IKBKE: variants seen among roughly 807,000 people sequenced by gnomAD.
IKBKE encodes the protein inhibitor of nuclear factor kappa-B kinase subunit epsilon.
IKBKE carries 45 observed loss-of-function variants against 92.1 expected under a neutral mutation model. The observed-to-expected ratio is 0.49, with a 90% CI of 0.38 to 0.63. IKBKE has a LOEUF of 0.63. Among genes scored for constraint, IKBKE ranks in the 20% least tolerant of loss-of-function variants. The pLI, the probability that IKBKE is intolerant of heterozygous loss-of-function variation, is 0.00. For synonymous variants in IKBKE, 374 were observed against 380.3 expected, an observed-to-expected ratio of 0.98 and a Z score of 0.19; for missense variants, 700 against 932.8, an observed-to-expected ratio of 0.75 and a Z score of 3.25.
Position 206,496,236 on chromosome 1 carries a change from A to T in IKBKE, c.*91A>T. 9.8e-7 allele frequency: 1 copy of T among 1,024,844 alleles called. No individual in the cohort carries two copies. Among genetic ancestry groups the T allele is most frequent in the Non-Finnish European group, 1.5e-6 (1 of 645,684 alleles). The allele number at this position is 1,024,844 out of a possible 1,614,324, so 63.5% of individuals were successfully genotyped here. A position where few individuals can be genotyped will look rare whatever the true frequency, so the allele number is the denominator to read the frequency against. ...TGAGACCAACCCAGGGCAAGATCCC[A>T]TCCCATCACATCAGCCTACCTCCCT... On this transcript the variant is annotated 3_prime_UTR_variant, in exon 22 of 22. Coordinates refer to ENST00000581977, the MANE Select transcript of IKBKE (RefSeq NM_014002.4).
Position 206,485,870 on chromosome 1 carries a change from AC to A in IKBKE, c.1616+570del, listed in dbSNP as rs1665625120. On this transcript the variant is annotated intron_variant, in intron 15 of 21. Coordinates refer to ENST00000581977, the MANE Select transcript of IKBKE (RefSeq NM_014002.4). This position sits in a 1 kb window ranked among gnomAD's most constrained non-coding sequence, Gnocchi z 5.0. ...TCTCCCTTTTAACAGACATAAAAAT[AC>A]CCCCCTCCCCCAGGCCCCAGCTGAC... is the stretch of plus-strand genomic sequence containing the variant. 1.3e-5 allele frequency among the ~76,000 whole-genome samples: 2 copies of A among 151,386 alleles called. No homozygotes were observed. Among genetic ancestry groups the A allele is most frequent in the Non-Finnish European group, 2.9e-5 (2 of 67,826 alleles).
At chr1:206,471,766 G>A (rs1411703400) in intron 2 of IKBKE, among the ~76,000 whole-genome samples, 2 of 152,182 alleles carry the variant, frequency 1.3e-5, no homozygotes, top group Non-Finnish European at 1.5e-5. Flanking sequence ...GTTGACCACC[G>A]ATCTCTTCAA....
At chr1:206,491,135 T>C (rs1449969919) in intron 17 of IKBKE, 1 of 534,968 alleles carries the variant, frequency 1.9e-6, no homozygotes, top group Non-Finnish European at 3.4e-6. Context: ...TCCTCACTGA[T>C]GCACCACTTA....
intron 18 of IKBKE, 99 bp from the exon 19 acceptor site, chr1:206,492,924 C>T (rs959000029): frequency 1.1e-5 from 11 of 1,033,064 alleles, no homozygotes; most frequent in Non-Finnish European, 1.5e-5. Context: ...ATACCCGGGA[C>T]CCACCTGTGT....
At chr1:206,480,411 A>C (rs1343557449) in intron 12 of IKBKE, 36 bp from the exon 13 acceptor site, 3 of 1,554,632 alleles carry the variant, frequency 1.9e-6, no homozygotes, top group Non-Finnish European at 2.7e-6. Flanking sequence ...GAGTCCCCCG[A>C]TCAAGGCAGC....
At chr1:206,475,082 C>T (rs891189401) in intron 5 of IKBKE, 88 bp downstream of exon 5, 37 of 1,325,836 alleles carry the variant, frequency 2.8e-5, no homozygotes, top group Non-Finnish European at 3.6e-5. Context: ...CTGACTCCTG[C>T]TAATCATTCC....
At chr1:206,493,473 A>G in intron 20 of IKBKE, 95 bp downstream of exon 20, 1 of 915,240 alleles carries the variant, frequency 1.1e-6, no homozygotes, top group Non-Finnish European at 1.7e-6. Flanking sequence ...GTTTGGCGTC[A>G]TGCCAGGCCT....
chr1:206,471,973 T>G (rs1374970919), intron 2 of IKBKE, among the ~76,000 whole-genome samples: 1 of 152,348 alleles, frequency 6.6e-6, no homozygotes, highest in African/African-American at 2.4e-5. Context: ...TGGCCAGGCA[T>G]GGTGGCTCAC....
intron 15 of IKBKE, among the ~76,000 whole-genome samples, chr1:206,486,109 A>G (rs963715533): frequency 6.6e-6 from 1 of 152,226 alleles, no homozygotes; most frequent in Non-Finnish European, 1.5e-5. Flanking sequence ...AAATCGAATG[A>G]GGCTCTTTAT....
At chr1:206,480,400 T>C (rs1278757094) in intron 12 of IKBKE, 47 bp from the exon 13 acceptor site, 2 of 1,481,986 alleles carry the variant, frequency 1.3e-6, no homozygotes, top group Non-Finnish European at 1.9e-6. Flanking sequence ...TGCACGGTGC[T>C]GAGTCCCCCG....
chr1:206,476,065 G>A lies in IKBKE; in HGVS notation c.359-116G>A. On this transcript the variant is annotated intron_variant, in intron 5 of 21. Coordinates refer to ENST00000581977, the MANE Select transcript of IKBKE (RefSeq NM_014002.4). This position sits in a 1 kb window ranked among gnomAD's most constrained non-coding sequence, Gnocchi z 5.1. ...TTCTGCCTGTCCCATGGCTCTGTCA[G>A]CCCATGGGAACTCCTGTCTCTCTGG... The A allele has an allele frequency of 1.1e-6, 1 of 930,388 alleles. No individual in the cohort carries two copies. The highest frequency in any genetic ancestry group is 1.7e-6 in the Non-Finnish European group (1 of 597,326). 57.6% of individuals were successfully genotyped at this position (930,388 alleles called of 1,614,324 possible).
At chr1:206,488,636 C>T (rs7540878) in intron 16 of IKBKE, among the ~76,000 whole-genome samples, 20,387 of 151,992 alleles carry the variant, frequency 0.13, 2,398 homozygotes, top group East Asian at 0.47. Flanking sequence ...CAGTTGACTC[C>T]TCAGGTTGGG....
chr1:206,489,688 G>A (rs1373691430), intron 16 of IKBKE, among the ~76,000 whole-genome samples: 6 of 151,856 alleles, frequency 4.0e-5, no homozygotes, highest in African/African-American at 1.5e-4. Context: ...CTCCAGCCAG[G>A]GCAAGAGCGA....
At chr1:206,479,224 T>C (rs1572246068) in intron 10 of IKBKE, 91 bp downstream of exon 10, 1 of 1,109,196 alleles carries the variant, frequency 9.0e-7, no homozygotes, top group Admixed American at 2.8e-5. Context: ...TTACTTTTCT[T>C]TGTGGGTGTT....
In IKBKE at chr1:206,493,260, C is replaced by T; in HGVS notation, c.1933-6C>T. The stretch of plus-strand genomic sequence containing the variant: ...AATTGCTGACCAAAGTATGGCTTCC[C>T]TGCAGCTCCTGGAAGAGCTATCTCA... On this transcript the variant is annotated splice_polypyrimidine_tract_variant and splice_region_variant and intron_variant, in intron 19 of 21. Coordinates refer to ENST00000581977, the MANE Select transcript of IKBKE (RefSeq NM_014002.4). 5 of 1,611,918 alleles carry T rather than the reference C, an allele frequency of 3.1e-6. No homozygotes were observed. Among genetic ancestry groups the T allele is most frequent in the Middle Eastern group, 1.7e-4 (1 of 6,050 alleles).
Position 206,473,278 on chromosome 1 carries a change from G to C in IKBKE, c.51G>C (p.Gln17His). 1.9e-6 allele frequency: 3 copies of C among 1,612,406 alleles called. No homozygotes were observed. Among genetic ancestry groups the C allele is most frequent in the Non-Finnish European group, 2.5e-6 (3 of 1,179,266 alleles). ...GGCACACAGATGACCTGCTGGGGCA[G>C]GGGGCCACTGCCAGTGTGTACAAGG... is the stretch of plus-strand genomic sequence containing the variant. ...YLWHTDDLLG[Q>H]GATASVYKAR... is the part of the protein sequence containing the mutation. The change falls in exon 3 of 22, where the codon CAG becomes CAC. Residue 17 changes from glutamine (Q) to histidine (H), a missense_variant. Coordinates refer to ENST00000581977, the MANE Select transcript of IKBKE (RefSeq NM_014002.4).
intron 13 of IKBKE, among the ~76,000 whole-genome samples, chr1:206,482,751 C>T (rs782190443): frequency 7.9e-5 from 12 of 152,260 alleles, no homozygotes; most frequent in Non-Finnish European, 1.6e-4. Flanking sequence ...GAGAGGGTTG[C>T]ATGATCTCTG....
Position 206,476,490 on chromosome 1 carries a change from AC to A in IKBKE, c.540+132del. Reference sequence around the variant, plus strand: ...CACAGGAGTTATGTCTCTCCCCTGTACCCCAACCAGAAGAATGCATTCTGTT... The same window carrying A: ...CACAGGAGTTATGTCTCTCCCCTGTACCCAACCAGAAGAATGCATTCTGTT... On this transcript the variant is annotated intron_variant, in intron 6 of 21. Coordinates refer to ENST00000581977, the MANE Select transcript of IKBKE (RefSeq NM_014002.4). The surrounding 1 kb of genome is among the most constrained non-coding windows in gnomAD (Gnocchi z 5.1). 8.8e-7 allele frequency: 1 copy of A among 1,142,222 alleles called. No homozygotes were observed. Among genetic ancestry groups the A allele is most frequent in the Non-Finnish European group, 1.3e-6 (1 of 789,818 alleles). The allele number at this position is 1,142,222 out of a possible 1,614,324, so 70.8% of individuals were successfully genotyped here.
chr1:206,492,722 T>G (rs782011208), intron 18 of IKBKE: 1 of 555,434 alleles, frequency 1.8e-6, no homozygotes. Context: ...CTCTGCAGCC[T>G]GACTGGTGCC....
Sources: gnomAD v4.1 joint callset for allele counts (sites outside exome capture counted in the v4.1 genomes callset) on GRCh38, gnomAD v4.1.1 for gene constraint, Gnocchi (gnomAD v3.1) non-coding constraint, MANE v1.5 for transcripts, NCBI Gene and HGNC (gene_info 2026-07-23, HGNC 2026-07-21) for gene names.